The following STYK1 variants were observed in gnomAD, a reference collection of about 807,000 sequenced individuals.
The protein encoded by STYK1 is STY kinase 1.
STYK1 carries 46 observed loss-of-function variants against 48.1 expected under a neutral mutation model. That is an observed-to-expected ratio of 0.96 (90% CI 0.75 to 1.22). STYK1 has a LOEUF of 1.22. Ranked by LOEUF, STYK1 falls within the 50% of genes most tolerant of loss-of-function variation. STYK1 has a pLI of 0.00. For synonymous variants in STYK1, 188 were observed against 189.0 expected (o/e 0.99, Z 0.04); for missense variants, 527 against 521.1 (o/e 1.01, Z -0.11).
chr12:10,649,370 A>G (rs1947634889), intron 1 of STYK1, among the ~76,000 whole-genome samples: 2 of 152,228 alleles, frequency 1.3e-5, no homozygotes, highest in Non-Finnish European at 2.9e-5. Context: ...TTATTTTTAT[A>G]CAGTTGGACC....
intron 1 of STYK1, among the ~76,000 whole-genome samples, chr12:10,639,398 T>A (rs1947519899): frequency 1.3e-5 from 2 of 152,120 alleles, no homozygotes; most frequent in African/African-American, 4.8e-5. Flanking sequence ...GAATTAGTGA[T>A]TAAGTTATAA....
At chr12:10,627,492 C>A in intron 7 of STYK1, 149 bp downstream of exon 7, 3 of 617,488 alleles carry the variant, frequency 4.9e-6, no homozygotes, top group African/African-American at 1.9e-5. Flanking sequence ...AACAATTTAT[C>A]CATGCTTGAG....
At chr12:10,634,782 T>C in intron 2 of STYK1, 96 bp from the exon 3 acceptor site, 1 of 679,204 alleles carries the variant, frequency 1.5e-6, no homozygotes. Flanking sequence ...GATCACTAGT[T>C]AAGTAAATGG....
chr12:10,641,974 A>C (rs1224907451), intron 1 of STYK1, among the ~76,000 whole-genome samples: 2 of 152,202 alleles, frequency 1.3e-5, no homozygotes, highest in Non-Finnish European at 2.9e-5. Context: ...CAGCATCCGG[A>C]AGCATGTCAC....
intron 1 of STYK1, among the ~76,000 whole-genome samples, chr12:10,644,979 T>C (rs1947583722): frequency 6.6e-6 from 1 of 151,622 alleles, no homozygotes. Flanking sequence ...AAAGAGGGCC[T>C]AGGAAAGAAT....
Position 10,627,655 on chromosome 12 carries a change from C to T in STYK1, c.703G>A (p.Val235Ile). ...EKQVYHIGKQVLLALEFLQEK... is the reference protein window; with the variant it reads ...EKQVYHIGKQILLALEFLQEK... ...CCTCATCTTACCAGCGCCAAAAGGA[C>T]CTGCTTTCCGATGTGATATACTTGT... Residue 235 changes from valine to isoleucine, a missense_variant, in exon 7 of 11, where the codon GTC becomes ATC. By Grantham distance (29) the Val-to-Ile change is conservative (BLOSUM62 3). Transcript: ENST00000075503. 6.2e-7 allele frequency: 1 copy of T among 1,613,662 alleles called. No homozygotes were observed. The highest frequency in any genetic ancestry group is 8.5e-7 in the Non-Finnish European group (1 of 1,179,848).
chr12:10,652,377 G>A (rs895635971), intron 1 of STYK1, among the ~76,000 whole-genome samples: 1 of 152,076 alleles, frequency 6.6e-6, no homozygotes, highest in African/African-American at 2.4e-5. Context: ...AAAATAACGG[G>A]TCATAGAATT....
intron 1 of STYK1, among the ~76,000 whole-genome samples, chr12:10,657,949 T>A (rs899399653): frequency 4.6e-5 from 7 of 152,234 alleles, no homozygotes; most frequent in African/African-American, 7.2e-5. Flanking sequence ...AATGTGAATT[T>A]TTTTTAGCCT....
At chr12:10,659,020 A>G (rs1448605398) in intron 1 of STYK1, among the ~76,000 whole-genome samples, 1 of 152,168 alleles carries the variant, frequency 6.6e-6, no homozygotes, top group African/African-American at 2.4e-5. Context: ...TCTTGAATGC[A>G]GGTTTCTGAT....
chr12:10,661,785 C>A (rs1023932201), intron 1 of STYK1, among the ~76,000 whole-genome samples: 2 of 152,108 alleles, frequency 1.3e-5, no homozygotes. Context: ...TACTGTTTGT[C>A]CAGTAAATTC....
At chr12:10,620,416 C>T in intron 10 of STYK1, 68 bp from the exon 11 acceptor site, 1 of 1,459,380 alleles carries the variant, frequency 6.9e-7, no homozygotes. Flanking sequence ...GTCTCCTCTC[C>T]TCACAAACTT....
chr12:10,652,288 C>T (rs1724395372), intron 1 of STYK1, among the ~76,000 whole-genome samples: 1 of 152,236 alleles, frequency 6.6e-6, no homozygotes, highest in Non-Finnish European at 1.5e-5. Context: ...CCCCCTCCTC[C>T]CTTCATTCAT....
At chr12:10,665,108 T>C (rs1172796234) in intron 1 of STYK1, among the ~76,000 whole-genome samples, 1 of 152,170 alleles carries the variant, frequency 6.6e-6, no homozygotes, top group Non-Finnish European at 1.5e-5. Flanking sequence ...CTTGGGGTTA[T>C]GGGAGCTGCT....
At chr12:10,623,857 C>A (rs74326463) in intron 8 of STYK1, among the ~76,000 whole-genome samples, 2 of 151,992 alleles carry the variant, frequency 1.3e-5, no homozygotes, top group Non-Finnish European at 2.9e-5. Flanking sequence ...AAAAGAACAA[C>A]GTGTAACTTC....
intron 4 of STYK1, among the ~76,000 whole-genome samples, chr12:10,633,267 T>A (rs573116203): frequency 4.6e-5 from 7 of 152,212 alleles, no homozygotes; most frequent in Non-Finnish European, 1.0e-4. Context: ...GTGGTAGAGA[T>A]GAAAACCTTA....
At position 10,624,795 on chromosome 12, in the gene STYK1, C is replaced by T; in HGVS notation, c.782G>A (p.Ser261Asn). 6.2e-7 allele frequency: 1 copy of T among 1,614,172 alleles called. No homozygotes were observed. Among genetic ancestry groups the T allele is most frequent in the East Asian group, 2.2e-5 (1 of 44,856 alleles). Residue 261 changes from serine to asparagine, a missense_variant, in exon 8 of 11, where the codon AGT becomes AAT. Ser to Asn is a conservative substitution (Grantham distance 46, BLOSUM62 1). Transcript: ENST00000075503. Reference sequence around the variant, plus strand: ...TCCACAGAGCTTAGCAGTGAGATCACTTTGCATCAGAATATTCCTGGCTGC... The same window carrying T: ...TCCACAGAGCTTAGCAGTGAGATCATTTTGCATCAGAATATTCCTGGCTGC... ...DVAARNILMQ[S>N]DLTAKLCGLG... is the part of the protein sequence containing the mutation.
At chr12:10,657,096 G>A (rs1268921415) in intron 1 of STYK1, among the ~76,000 whole-genome samples, 2 of 152,188 alleles carry the variant, frequency 1.3e-5, no homozygotes, top group Non-Finnish European at 2.9e-5. Context: ...CACACTGAGA[G>A]ATAAGAGTTC....
chr12:10,635,128 A>C (rs1329066492), intron 2 of STYK1, among the ~76,000 whole-genome samples: 1 of 152,090 alleles, frequency 6.6e-6, no homozygotes, highest in Non-Finnish European at 1.5e-5. Context: ...TAAGCAAAAC[A>C]TTTTTTGAAG....
intron 1 of STYK1, among the ~76,000 whole-genome samples, chr12:10,664,263 A>G (rs762716710): frequency 6.6e-6 from 1 of 152,180 alleles, no homozygotes; most frequent in Non-Finnish European, 1.5e-5. Flanking sequence ...TCAGGTTGTC[A>G]TGAATTGCAG....
Sources: gnomAD v4.1 joint callset for allele counts (sites outside exome capture counted in the v4.1 genomes callset) on GRCh38, gnomAD v4.1.1 for gene constraint, MANE v1.5 for transcripts, NCBI Gene and HGNC (gene_info 2026-07-23, HGNC 2026-07-21) for gene names.